Variants in TDRD3 observed in about 807,000 individuals in gnomAD.
TDRD3 encodes tudor domain containing 3.
In TDRD3, 45 loss-of-function variants were observed where a neutral mutation model predicts 86.7. That is an observed-to-expected ratio of 0.52 (90% CI 0.41 to 0.67). The LOEUF (loss-of-function observed/expected upper bound fraction) is 0.67, where lower values mean the gene tolerates loss of function less well. TDRD3 is among the 30% of genes least tolerant of loss of function. The probability of loss-of-function intolerance (pLI) is 0.00; values close to 1 mark genes in which losing one functional copy is unlikely to be tolerated. For synonymous variants in TDRD3, 298 were observed against 301.7 expected (o/e 0.99, Z 0.13); for missense variants, 814 against 889.0 (o/e 0.92, Z 1.07).
chr13:60,477,613 G>T (rs1392876693), intron 5 of TDRD3, among the ~76,000 whole-genome samples: 1 of 152,096 alleles, frequency 6.6e-6, no homozygotes, highest in Non-Finnish European at 1.5e-5. Flanking sequence ...GGCCTTTTCT[G>T]CATCTATTAA....
At chr13:60,514,407 C>A (rs76307947) in intron 10 of TDRD3, among the ~76,000 whole-genome samples, 23,029 of 152,188 alleles carry the variant, frequency 0.15, 1,966 homozygotes, top group African/African-American at 0.22. Flanking sequence ...AGCACCATGA[C>A]CTTGGCTCAC....
chr13:60,403,056 T>A (rs1238170193), intron 1 of TDRD3, among the ~76,000 whole-genome samples: 7 of 152,342 alleles, frequency 4.6e-5, no homozygotes, highest in African/African-American at 1.7e-4. Flanking sequence ...CTTCTGCTGA[T>A]ACTGTAAACT....
chr13:60,440,537 T>C (rs752704962), intron 2 of TDRD3, among the ~76,000 whole-genome samples: 2 of 152,022 alleles, frequency 1.3e-5, no homozygotes, highest in Admixed American at 6.6e-5. Context: ...AAAAATTAGC[T>C]GGGCGTGGTA....
chr13:60,519,792 T>C (rs1957252580), intron 10 of TDRD3, among the ~76,000 whole-genome samples: 1 of 152,194 alleles, frequency 6.6e-6, no homozygotes, highest in South Asian at 2.1e-4. Context: ...AGGGATGTTA[T>C]AACTGTACTC....
At chr13:60,526,773 A>G (rs747260881) in intron 10 of TDRD3, among the ~76,000 whole-genome samples, 4 of 152,096 alleles carry the variant, frequency 2.6e-5, no homozygotes, top group African/African-American at 7.2e-5. Context: ...AAAAGTATTT[A>G]AAGCCTTTTG....
intron 1 of TDRD3, among the ~76,000 whole-genome samples, chr13:60,425,426 C>T (rs1488226530): frequency 1.3e-5 from 2 of 152,128 alleles, no homozygotes; most frequent in Non-Finnish European, 2.9e-5. Flanking sequence ...TAGATGGGTA[C>T]AGCCCTTGTG....
chr13:60,470,469 C>T (rs1010536616), intron 5 of TDRD3, among the ~76,000 whole-genome samples: 4 of 152,084 alleles, frequency 2.6e-5, no homozygotes, highest in Non-Finnish European at 5.9e-5. Flanking sequence ...ACTTTACACT[C>T]ATTTCCACCA....
intron 8 of TDRD3, among the ~76,000 whole-genome samples, chr13:60,496,868 T>C (rs1369855027): frequency 1.3e-5 from 2 of 152,188 alleles, no homozygotes; most frequent in African/African-American, 2.4e-5. Context: ...GCTTCCAAGA[T>C]GGCAGCAAGC....
intron 11 of TDRD3, among the ~76,000 whole-genome samples, 168 bp downstream of exon 11, chr13:60,529,385 T>C (rs911620359): frequency 6.6e-6 from 1 of 152,204 alleles, no homozygotes; most frequent in African/African-American, 2.4e-5. Context: ...AAATATTTAA[T>C]ATTTTTATGG....
intron 4 of TDRD3, 142 bp downstream of exon 4, chr13:60,460,682 G>A: frequency 1.3e-6 from 1 of 750,178 alleles, no homozygotes; most frequent in Non-Finnish European, 2.0e-6. Context: ...GAGCTTTTCT[G>A]CATTTCTGCT....
chr13:60,430,986 T>C (rs1312447728), intron 1 of TDRD3, among the ~76,000 whole-genome samples: 2 of 152,094 alleles, frequency 1.3e-5, no homozygotes, highest in Non-Finnish European at 2.9e-5. Context: ...ATAATTTATG[T>C]GTACTTTATT....
intron 12 of TDRD3, among the ~76,000 whole-genome samples, chr13:60,561,863 TTTGTTGTTGTTGTTG>T (rs535474569): frequency 4.3e-5 from 5 of 117,346 alleles, no homozygotes; most frequent in East Asian, 4.0e-4. Context: ...GCCCAGGTTT[TTTGTTGTTGTTGTTG>T]TTGTTGTTGT....
At chr13:60,395,825 C>T (rs919980533), upstream of TDRD3, among the ~76,000 whole-genome samples, 4 of 152,038 alleles carry the variant, frequency 2.6e-5, no homozygotes, top group African/African-American at 9.7e-5. Flanking sequence ...TGAAATATAC[C>T]TGTAGCATAC....
intron 7 of TDRD3, among the ~76,000 whole-genome samples, chr13:60,492,891 C>T (rs73208073): frequency 0.15 from 21,910 of 149,560 alleles, 2,013 homozygotes; most frequent in South Asian, 0.28. Context: ...GTATTTTCTT[C>T]CGTTTCAAAT....
chr13:60,561,474 G>A (rs1958331856), intron 12 of TDRD3, among the ~76,000 whole-genome samples: 1 of 152,248 alleles, frequency 6.6e-6, no homozygotes, highest in Admixed American at 6.5e-5. Context: ...GGAAGAGGAA[G>A]CCAAAGGGGT....
chr13:60,445,302 T>A (rs1341049540), intron 3 of TDRD3, among the ~76,000 whole-genome samples: 1 of 152,230 alleles, frequency 6.6e-6, no homozygotes, highest in African/African-American at 2.4e-5. Context: ...AGTCCATGTC[T>A]TCTTTGTCTT....
At chr13:60,557,986 C>T (rs1958240724) in intron 12 of TDRD3, among the ~76,000 whole-genome samples, 1 of 151,988 alleles carries the variant, frequency 6.6e-6, no homozygotes. Flanking sequence ...CCACGCCCAG[C>T]TAATTTTTGT....
intron 1 of TDRD3, among the ~76,000 whole-genome samples, chr13:60,435,232 G>C (rs1446463728): frequency 6.6e-6 from 1 of 151,794 alleles, no homozygotes; most frequent in Non-Finnish European, 1.5e-5. Flanking sequence ...TAAGTTTTTT[G>C]GTTTTGTTAT....
At chr13:60,442,095 A>G (rs923896001) in intron 2 of TDRD3, among the ~76,000 whole-genome samples, 2 of 152,152 alleles carry the variant, frequency 1.3e-5, no homozygotes, top group African/African-American at 4.8e-5. Context: ...TTAGCTTTTT[A>G]TGTTGAAAAG....
Sources: gnomAD v4.1 joint callset for allele counts (sites outside exome capture counted in the v4.1 genomes callset) on GRCh38, gnomAD v4.1.1 for gene constraint, MANE v1.5 for transcripts, NCBI Gene and HGNC (gene_info 2026-07-23, HGNC 2026-07-21) for gene names.